Variants in ATP8A2 observed in about 807,000 individuals in gnomAD.
ATP8A2 encodes ATPase phospholipid transporting 8A2, also known as phospholipid-transporting ATPase IB.
Under a neutral mutation model 165.6 loss-of-function variants are expected in ATP8A2, and 100 were observed. The observed-to-expected ratio is 0.60, with a 90% CI of 0.51 to 0.71. ATP8A2 has a LOEUF of 0.71. Ranked by LOEUF, ATP8A2 falls within the 30% of genes least tolerant of loss-of-function variation. The pLI is 0.00. For synonymous variants in ATP8A2, 543 were observed against 548.8 expected (o/e 0.99, Z 0.15); for missense variants, 1,227 against 1,479.5 (o/e 0.83, Z 2.80).
At chr13:25,919,316 G>A (rs935339671) in intron 33 of ATP8A2, among the ~76,000 whole-genome samples, 6 of 152,314 alleles carry the variant, frequency 3.9e-5, no homozygotes, top group Middle Eastern at 3.4e-3. Context: ...GTCAGCCAGG[G>A]ATAGCCACTT....
At chr13:25,563,651 C>A (rs1187142746) in intron 15 of ATP8A2, among the ~76,000 whole-genome samples, 1 of 152,244 alleles carries the variant, frequency 6.6e-6, no homozygotes, top group South Asian at 2.1e-4. Flanking sequence ...GGAAGTGACT[C>A]GGGCCAACTG....
chr13:25,711,266 G>T (rs1276819115), intron 25 of ATP8A2, among the ~76,000 whole-genome samples: 1 of 152,150 alleles, frequency 6.6e-6, no homozygotes, highest in East Asian at 1.9e-4. Context: ...CGGCCTCCCA[G>T]AGTGCTGGGA....
intron 20 of ATP8A2, among the ~76,000 whole-genome samples, chr13:25,577,754 A>T (rs1255523201): frequency 6.6e-6 from 1 of 152,178 alleles, no homozygotes; most frequent in Non-Finnish European, 1.5e-5. Flanking sequence ...GTTAAATTTT[A>T]GTCTTATGTA....
chr13:25,785,149 A>G (rs2044992593), intron 27 of ATP8A2, among the ~76,000 whole-genome samples: 1 of 151,730 alleles, frequency 6.6e-6, no homozygotes, highest in Non-Finnish European at 1.5e-5. Context: ...CTGTAATCCC[A>G]GCACTTTGGG....
chr13:25,861,160 G>A (rs1952340441), intron 32 of ATP8A2, among the ~76,000 whole-genome samples: 2 of 151,820 alleles, frequency 1.3e-5, no homozygotes, highest in African/African-American at 4.8e-5. Context: ...AATATAGAAG[G>A]ACAAAAAACA....
intron 25 of ATP8A2, among the ~76,000 whole-genome samples, chr13:25,707,011 A>G (rs1315162788): frequency 6.6e-6 from 1 of 152,200 alleles, no homozygotes; most frequent in Non-Finnish European, 1.5e-5. Context: ...CATCTTGGAA[A>G]AAAAATTTCT....
chr13:25,736,953 G>A (rs560563330), intron 25 of ATP8A2, among the ~76,000 whole-genome samples: 1 of 152,288 alleles, frequency 6.6e-6, no homozygotes, highest in African/African-American at 2.4e-5. Flanking sequence ...AGTTTTCAGT[G>A]TTAGGGAGGG....
At position 25,440,423 on chromosome 13, in the gene ATP8A2, C is replaced by T. The variant is rs1054097756; in HGVS notation, c.77-28554C>T. On this transcript the variant is annotated intron_variant, in intron 1 of 36. Transcript: ENST00000381655. ...GTATAACTCTCTACCATCCATCCTA[C>T]GTTACTTGTACTCAAGAACTATGCC... Among the ~76,000 whole-genome samples, 8 of 152,238 alleles carry T rather than the reference C, an allele frequency of 5.3e-5. No individual in the cohort carries two copies. In the South Asian group the frequency reaches 1.2e-3, roughly 24 times the overall value.
intron 25 of ATP8A2, among the ~76,000 whole-genome samples, chr13:25,727,203 A>C (rs2043513193): frequency 6.6e-6 from 1 of 152,212 alleles, no homozygotes; most frequent in South Asian, 2.1e-4. Flanking sequence ...TGGAGAAACC[A>C]TGAAATGATA....
chr13:25,460,002 T>C (rs1188448215), intron 1 of ATP8A2, among the ~76,000 whole-genome samples: 2 of 152,036 alleles, frequency 1.3e-5, no homozygotes, highest in Non-Finnish European at 2.9e-5. Context: ...AGGAGTTCAA[T>C]ACTAGTCTGG....
At chr13:25,822,121 G>C (rs553562471) in intron 27 of ATP8A2, among the ~76,000 whole-genome samples, 1 of 152,054 alleles carries the variant, frequency 6.6e-6, no homozygotes, top group Non-Finnish European at 1.5e-5. Flanking sequence ...TTATCTTGCA[G>C]TGCATGGGGA....
At chr13:25,428,461 G>A (rs2034512778) in intron 1 of ATP8A2, among the ~76,000 whole-genome samples, 1 of 152,150 alleles carries the variant, frequency 6.6e-6, no homozygotes, top group African/African-American at 2.4e-5. Context: ...TTAGTCTATT[G>A]TGGGAAACAG....
chr13:25,734,003 C>A (rs2043712155), intron 25 of ATP8A2, among the ~76,000 whole-genome samples: 1 of 152,130 alleles, frequency 6.6e-6, no homozygotes, highest in African/African-American at 2.4e-5. Context: ...TAAAAATGAC[C>A]TTTTCCCAAT....
chr13:25,998,509 G>A (rs1438197838), intron 35 of ATP8A2, among the ~76,000 whole-genome samples: 1 of 152,126 alleles, frequency 6.6e-6, no homozygotes, highest in Non-Finnish European at 1.5e-5. Flanking sequence ...TTGCTAGGCT[G>A]CCCCTTTCCT....
chr13:25,723,080 CT>C (rs2043416030), intron 25 of ATP8A2, among the ~76,000 whole-genome samples: 1 of 152,198 alleles, frequency 6.6e-6, no homozygotes, highest in Non-Finnish European at 1.5e-5. Context: ...TATTATTCTC[CT>C]GGTGATAGAC....
intron 24 of ATP8A2, among the ~76,000 whole-genome samples, chr13:25,661,371 A>G (rs1410135334): frequency 6.6e-6 from 1 of 152,194 alleles, no homozygotes; most frequent in Admixed American, 6.5e-5. Flanking sequence ...TTGTACCTTT[A>G]TTGATTCCGC....
intron 30 of ATP8A2, among the ~76,000 whole-genome samples, chr13:25,857,377 A>T (rs1012793274): frequency 2.0e-5 from 3 of 151,816 alleles, no homozygotes; most frequent in Admixed American, 6.6e-5. Context: ...CCTGTGTTTT[A>T]TTCTTATTTT....
At chr13:25,952,255 A>G (rs1955387533) in intron 33 of ATP8A2, among the ~76,000 whole-genome samples, 1 of 152,164 alleles carries the variant, frequency 6.6e-6, no homozygotes, top group Non-Finnish European at 1.5e-5. Context: ...GTACAGGGAG[A>G]GAGTGGGCAT....
intron 25 of ATP8A2, among the ~76,000 whole-genome samples, chr13:25,753,938 T>C (rs2044207488): frequency 2.0e-5 from 3 of 152,250 alleles, no homozygotes; most frequent in Non-Finnish European, 4.4e-5. Flanking sequence ...TTTCCTCTCC[T>C]TCATTCACTG....
Sources: gnomAD v4.1 joint callset for allele counts (sites outside exome capture counted in the v4.1 genomes callset) on GRCh38, gnomAD v4.1.1 for gene constraint, MANE v1.5 for transcripts, NCBI Gene and HGNC (gene_info 2026-07-23, HGNC 2026-07-21) for gene names.